The following CSMD2 variants were observed in gnomAD, a reference collection of about 807,000 sequenced individuals.
CSMD2 encodes the protein CUB and sushi domain-containing protein 2.
In CSMD2, 130 loss-of-function variants were observed where a neutral mutation model predicts 398.5. That is an observed-to-expected ratio of 0.33 (90% CI 0.28 to 0.38). The LOEUF is 0.38. Ranked by LOEUF, CSMD2 falls within the 10% of genes least tolerant of loss-of-function variation. The pLI, the probability that CSMD2 is intolerant of heterozygous loss-of-function variation, is 1.00. For missense variants in CSMD2, 3,829 were observed against 4,764.9 expected (o/e 0.80, Z 5.78); for synonymous variants, 1,828 against 1,908.5 (o/e 0.96, Z 1.10).
At chr1:33,690,862 G>A (rs1645211526) in intron 25 of CSMD2, among the ~76,000 whole-genome samples, 2 of 152,332 alleles carry the variant, frequency 1.3e-5, no homozygotes, top group South Asian at 4.1e-4. Flanking sequence ...AGCTCCAGGA[G>A]GGGAGGTAAG....
intron 2 of CSMD2, among the ~76,000 whole-genome samples, chr1:34,078,687 C>A (rs1480917871): frequency 6.6e-6 from 1 of 152,112 alleles, no homozygotes; most frequent in African/African-American, 2.4e-5. Context: ...CCCCACTGCA[C>A]CCTTCTGTCT....
rs568678434 is a variant in CSMD2 at position 33,877,799 on chromosome 1, C to T, written c.921-30803G>A. ...GAAGAGAGAGATGTTAAGTTAATGT[C>T]GAAGATATGCCCAGGGTTGCTGCCA... On this transcript the variant is annotated intron_variant, in intron 5 of 70. Coordinates refer to ENST00000373381, the MANE Select transcript of CSMD2 (RefSeq NM_001281956.2). 7.2e-5 allele frequency among the ~76,000 whole-genome samples: 11 copies of T among 152,070 alleles called. No homozygotes were observed. In the South Asian group the frequency reaches 1.5e-3, roughly 20 times the overall value.
chr1:34,016,050 T>C (rs918350340), intron 3 of CSMD2, among the ~76,000 whole-genome samples: 1 of 152,130 alleles, frequency 6.6e-6, no homozygotes, highest in Non-Finnish European at 1.5e-5. Flanking sequence ...TGTGTATGTG[T>C]GTATTTAGTT....
At chr1:33,732,095 A>AGCACACACATGTCTGTGTGCGTGCACAT (rs970042091) in intron 15 of CSMD2, among the ~76,000 whole-genome samples, 36 of 152,194 alleles carry the variant, frequency 2.4e-4, no homozygotes, top group Admixed American at 2.0e-4. Flanking sequence ...AAAACAGGGA[A>AGCACACACATGTCTGTGTGCGTGCACAT]GCACACACAT....
At chr1:33,619,897 T>C (rs1015783362) in intron 37 of CSMD2, among the ~76,000 whole-genome samples, 1 of 152,108 alleles carries the variant, frequency 6.6e-6, no homozygotes, top group African/African-American at 2.4e-5. Context: ...CTCTCCACAC[T>C]CCAAGTAGAA....
At chr1:33,739,823 G>C (rs1009671184) in intron 14 of CSMD2, among the ~76,000 whole-genome samples, 3 of 152,122 alleles carry the variant, frequency 2.0e-5, no homozygotes, top group African/African-American at 7.2e-5. Flanking sequence ...GCATCATAAA[G>C]GAGGTGCCCT....
rs143258298 is a variant in CSMD2 at position 34,123,605 on chromosome 1, G to C, written c.188-34412C>G. Among the ~76,000 whole-genome samples the C allele has an allele frequency of 1.9e-3, 292 of 152,134 alleles. 12 individuals are homozygous for C. In the South Asian group the frequency reaches 0.057, roughly 30 times the overall value. ...TGGACATGTGACTGGTGTCTGAAGC[G>C]GGGGGGAGTCTCGGGAACTGAGCCC... On this transcript the variant is annotated intron_variant, in intron 1 of 70. Coordinates refer to ENST00000373381, the MANE Select transcript of CSMD2 (RefSeq NM_001281956.2).
chr1:33,751,762 G>A (rs1648281614), intron 13 of CSMD2, among the ~76,000 whole-genome samples: 1 of 152,046 alleles, frequency 6.6e-6, no homozygotes, highest in Non-Finnish European at 1.5e-5. Flanking sequence ...GGGAATACAG[G>A]TGTGTGCCAC....
At chr1:33,959,690 C>T (rs915310057) in intron 3 of CSMD2, among the ~76,000 whole-genome samples, 20 of 152,142 alleles carry the variant, frequency 1.3e-4, no homozygotes, top group African/African-American at 2.9e-4. Flanking sequence ...AAGCCCTTTG[C>T]GGTGTTTGCA....
rs529337141 is a variant in CSMD2 at position 33,680,728 on chromosome 1, T to C, written c.4052+12202A>G. Among the ~76,000 whole-genome samples the C allele has an allele frequency of 2.6e-5, 4 of 152,190 alleles. No homozygotes were observed. The South Asian group carries it at 8.3e-4, about 32-fold the overall frequency. ...ATGAGGCCTGGAGCCTTGAATTACTTTGTGGAACAGACACCTCCAGCCCCA... is the reference window on the plus strand; with the variant it reads ...ATGAGGCCTGGAGCCTTGAATTACTCTGTGGAACAGACACCTCCAGCCCCA... On this transcript the variant is annotated intron_variant, in intron 25 of 70. Transcript: ENST00000373381.
At chr1:33,604,465 A>G (rs1246474170) in intron 42 of CSMD2, among the ~76,000 whole-genome samples, 1 of 152,174 alleles carries the variant, frequency 6.6e-6, no homozygotes, top group East Asian at 1.9e-4. Flanking sequence ...TTGTGAAATA[A>G]AGATGAGAAG....
intron 4 of CSMD2, among the ~76,000 whole-genome samples, chr1:33,922,702 A>AG (rs1643985454): frequency 1.3e-5 from 2 of 152,100 alleles, no homozygotes; most frequent in African/African-American, 4.8e-5. Flanking sequence ...GCAGAGGCTC[A>AG]GGGGACATCC....
intron 3 of CSMD2, among the ~76,000 whole-genome samples, chr1:33,996,553 A>G (rs976007507): frequency 6.6e-6 from 1 of 152,192 alleles, no homozygotes; most frequent in African/African-American, 2.4e-5. Context: ...GAGACCCAGG[A>G]GCTTGCATGG....
chr1:34,108,237 A>G (rs1660708072), intron 1 of CSMD2, among the ~76,000 whole-genome samples: 1 of 151,400 alleles, frequency 6.6e-6, no homozygotes, highest in Non-Finnish European at 1.5e-5. Flanking sequence ...ATTAATTTTA[A>G]AAATGAGAGA....
intron 1 of CSMD2, among the ~76,000 whole-genome samples, chr1:34,092,929 C>G (rs1349074926): frequency 5.3e-5 from 8 of 151,924 alleles, no homozygotes; most frequent in Non-Finnish European, 1.2e-4. Context: ...GCCTGCCTGC[C>G]TCTGTAGGCT....
At chr1:33,573,722 G>T (rs1225381949) in intron 49 of CSMD2, among the ~76,000 whole-genome samples, 1 of 152,160 alleles carries the variant, frequency 6.6e-6, no homozygotes, top group African/African-American at 2.4e-5. Flanking sequence ...CAAAAAGAGA[G>T]AACACAAAAA....
Position 33,583,661 on chromosome 1 carries a change from A to G in CSMD2, c.7221T>C (p.Asp2407=), listed in dbSNP as rs1204286943. Residue 2407 remains aspartate, a synonymous_variant, in exon 47 of 71, where the codon GAT becomes GAC. Coordinates refer to ENST00000373381, the MANE Select transcript of CSMD2 (RefSeq NM_001281956.2). Reference sequence around the variant, plus strand: ...ACTTACCATCAAAAATCTCAAACTCATCATATTGCTTCTCGCTGAGGAAGT... The same window carrying G: ...ACTTACCATCAAAAATCTCAAACTCGTCATATTGCTTCTCGCTGAGGAAGT... ...VEYFLSEKQY[D]EFEIFDGPSG... is the part of the protein sequence containing the mutation. 2 of 1,613,932 alleles carry G rather than the reference A, an allele frequency of 1.2e-6. No homozygotes were observed. Among genetic ancestry groups the G allele is most frequent in the African/African-American group, 2.7e-5 (2 of 74,890 alleles).
At chr1:33,648,689 G>C (rs1479236378) in intron 28 of CSMD2, among the ~76,000 whole-genome samples, 1 of 152,184 alleles carries the variant, frequency 6.6e-6, no homozygotes. Flanking sequence ...TAGCAGTAAA[G>C]TGCCTGGAAA....
At position 33,569,357 on chromosome 1, in the gene CSMD2, CT is replaced by C. The variant is rs758297746; in HGVS notation, c.8131+16del. ...AGGAGAAAAACTGGGCAGGATAGGC[CT>C]GCAGAGGTCACTTACCAAGGCAGCG... On this transcript the variant is annotated intron_variant, in intron 52 of 70. Transcript: ENST00000373381. The C allele has an allele frequency of 5.6e-6, 9 of 1,610,428 alleles. No homozygotes were observed. The Admixed American group carries it at 1.3e-4, about 24-fold the overall frequency.
Sources: gnomAD v4.1 joint callset for allele counts (sites outside exome capture counted in the v4.1 genomes callset) on GRCh38, gnomAD v4.1.1 for gene constraint, MANE v1.5 for transcripts, NCBI Gene and HGNC (gene_info 2026-07-23, HGNC 2026-07-21) for gene names.